Variants in FAM168A observed in about 807,000 individuals in gnomAD.
The protein encoded by FAM168A is family with sequence similarity 168 member A.
In FAM168A, 3 loss-of-function variants were observed where a neutral mutation model predicts 28.5. The ratio of observed to expected loss-of-function variants is 0.11; its 90% CI spans 0.05 to 0.27. The LOEUF is 0.27. FAM168A is among the 10% of genes least tolerant of loss of function. The probability of loss-of-function intolerance (pLI) is 1.00; values close to 1 mark genes in which losing one functional copy is unlikely to be tolerated. For synonymous variants in FAM168A, 122 were observed against 124.2 expected (o/e 0.98, Z 0.12); for missense variants, 222 against 311.5 (o/e 0.71, Z 2.16).
intron 2 of FAM168A, among the ~76,000 whole-genome samples, chr11:73,448,895 T>C (rs1046181372): frequency 6.6e-6 from 1 of 152,112 alleles, no homozygotes; most frequent in African/African-American, 2.4e-5. Context: ...GTAAGAAAAA[T>C]ATACCTCCTA....
intron 1 of FAM168A, among the ~76,000 whole-genome samples, chr11:73,509,806 C>G (rs1855184592): frequency 6.6e-6 from 1 of 152,082 alleles, no homozygotes; most frequent in South Asian, 2.1e-4. Context: ...TATGTGTTCA[C>G]TTTCCCTCCA....
At chr11:73,554,521 C>T (rs901785148) in intron 1 of FAM168A, among the ~76,000 whole-genome samples, 3 of 152,056 alleles carry the variant, frequency 2.0e-5, no homozygotes, top group African/African-American at 7.2e-5. Context: ...CTCTGCATGG[C>T]AGAATATAGA....
rs938558606 is a variant in FAM168A, at chr11:73,402,643, C to T, written c.*4120G>A. On this transcript the variant is annotated 3_prime_UTR_variant, in exon 8 of 8. Transcript: ENST00000356467. Reference sequence around the variant, plus strand: ...CAACTCACTGGATCTGGACAGTGGGCAGGCTCTCAGGGATTAGGAAGCCAG... The same window carrying T: ...CAACTCACTGGATCTGGACAGTGGGTAGGCTCTCAGGGATTAGGAAGCCAG... 5.3e-5 allele frequency: 8 copies of T among 152,216 alleles called. No homozygotes were observed. Among genetic ancestry groups the T allele is most frequent in the African/African-American group, 1.9e-4 (8 of 41,430 alleles). The allele number at this position is 152,216 out of a possible 1,614,324, so 9.4% of individuals were successfully genotyped here. A position where few individuals can be genotyped will look rare whatever the true frequency, so the allele number is the denominator to read the frequency against.
At chr11:73,501,792 C>A (rs1855013946) in intron 1 of FAM168A, among the ~76,000 whole-genome samples, 1 of 152,134 alleles carries the variant, frequency 6.6e-6, no homozygotes. Context: ...AGAGAGGCAA[C>A]AGCAAACTAA....
chr11:73,515,683 A>G (rs1447228993), intron 1 of FAM168A, among the ~76,000 whole-genome samples: 3 of 152,112 alleles, frequency 2.0e-5, no homozygotes, highest in Non-Finnish European at 4.4e-5. Context: ...ATGACCTAAC[A>G]TAGGGGCTCA....
chr11:73,407,417 CCTAG>C (rs1255745697), intron 7 of FAM168A, 92 bp downstream of exon 7: 1 of 730,360 alleles, frequency 1.4e-6, no homozygotes, highest in Non-Finnish European at 2.1e-6. Context: ...TGTTACCTGC[CCTAG>C]CTGACACCTG....
At chr11:73,539,635 T>C (rs1274907050) in intron 1 of FAM168A, among the ~76,000 whole-genome samples, 1 of 152,144 alleles carries the variant, frequency 6.6e-6, no homozygotes, top group Admixed American at 6.6e-5. Context: ...GACTAAGAGA[T>C]TACCTCTACC....
chr11:73,464,233 C>A (rs1314676820), intron 2 of FAM168A, among the ~76,000 whole-genome samples: 11 of 147,784 alleles, frequency 7.4e-5, no homozygotes, highest in African/African-American at 2.7e-4. Context: ...CACAAAAGTT[C>A]TTTGCAAAGA....
chr11:73,597,941 G>T lies in FAM168A; in HGVS notation c.-37C>A. 6.4e-6 allele frequency: 1 copy of T among 156,432 alleles called. No homozygotes were observed. The highest frequency in any genetic ancestry group is 1.9e-4 in the South Asian group (1 of 5,314). The allele number at this position is 156,432 out of a possible 1,614,324, so 9.7% of individuals were successfully genotyped here. ...TCCTCACCGGTGAGCAGCTGCAGGC[G>T]AAAACGGCGGCGGCGGCGGCTGAGG... On this transcript the variant is annotated 5_prime_UTR_variant, in exon 1 of 8. Transcript: ENST00000356467.
chr11:73,417,039 T>G (rs957910637), intron 4 of FAM168A, among the ~76,000 whole-genome samples: 1 of 152,148 alleles, frequency 6.6e-6, no homozygotes, highest in Admixed American at 6.5e-5. Flanking sequence ...GCTGGACACT[T>G]AATGGGATTT....
chr11:73,427,578 T>C (rs1434096096), intron 3 of FAM168A, among the ~76,000 whole-genome samples: 1 of 152,172 alleles, frequency 6.6e-6, no homozygotes, highest in East Asian at 1.9e-4. Flanking sequence ...TTGGGCTAAT[T>C]ATGTAACTTC....
chr11:73,567,234 T>A (rs1231741499), intron 1 of FAM168A, among the ~76,000 whole-genome samples: 1 of 152,172 alleles, frequency 6.6e-6, no homozygotes, highest in African/African-American at 2.4e-5. Flanking sequence ...TGAAGGAATA[T>A]GAGAAGATAA....
At chr11:73,542,979 TA>T (rs1943676681) in intron 1 of FAM168A, among the ~76,000 whole-genome samples, 1 of 152,196 alleles carries the variant, frequency 6.6e-6, no homozygotes, top group Non-Finnish European at 1.5e-5. Context: ...TCTCTCTGCC[TA>T]AAGAATTCTT....
chr11:73,568,555 A>T (rs1171413200), intron 1 of FAM168A, among the ~76,000 whole-genome samples: 1 of 152,236 alleles, frequency 6.6e-6, no homozygotes, highest in Non-Finnish European at 1.5e-5. Context: ...TAGAAGCTAA[A>T]TGAAGTATAA....
At chr11:73,498,902 T>C (rs938063894) in intron 1 of FAM168A, among the ~76,000 whole-genome samples, 20 of 152,120 alleles carry the variant, frequency 1.3e-4, no homozygotes, top group African/African-American at 4.8e-4. Context: ...CGGGTAGCCA[T>C]AGTTTCTTTG....
chr11:73,407,648 G>C lies in FAM168A; in HGVS notation c.596-5C>G. 3 of 1,608,888 alleles carry C rather than the reference G, an allele frequency of 1.9e-6. No homozygotes were observed. Among genetic ancestry groups the C allele is most frequent in the South Asian group, 2.2e-5 (2 of 90,390 alleles). On this transcript the variant is annotated splice_polypyrimidine_tract_variant and splice_region_variant and intron_variant, in intron 6 of 7. Transcript: ENST00000356467. ...GGGGTGTAGTCAGCAGGGTACCTGA[G>C]CATCCAGAGAGAGAAGAGTAACCTG...
At chr11:73,435,376 C>T (rs1408654516) in intron 2 of FAM168A, among the ~76,000 whole-genome samples, 1 of 152,236 alleles carries the variant, frequency 6.6e-6, no homozygotes, top group Non-Finnish European at 1.5e-5. Flanking sequence ...AATCACACTC[C>T]TGTTTTGTCA....
At chr11:73,471,367 A>T (rs999931425) in intron 1 of FAM168A, among the ~76,000 whole-genome samples, 11 of 152,262 alleles carry the variant, frequency 7.2e-5, no homozygotes, top group East Asian at 1.9e-4. Flanking sequence ...GTAAAAAAAA[A>T]TTTTTTAATG....
At chr11:73,433,308 C>G (rs1252058355) in intron 2 of FAM168A, among the ~76,000 whole-genome samples, 4 of 151,344 alleles carry the variant, frequency 2.6e-5, no homozygotes, top group African/African-American at 9.7e-5. Flanking sequence ...GTATTACTTA[C>G]AAATATTTTC....
Sources: gnomAD v4.1 joint callset for allele counts (sites outside exome capture counted in the v4.1 genomes callset) on GRCh38, gnomAD v4.1.1 for gene constraint, MANE v1.5 for transcripts, NCBI Gene and HGNC (gene_info 2026-07-23, HGNC 2026-07-21) for gene names.